TRMT9B: variants seen among roughly 807,000 people sequenced by gnomAD.
TRMT9B encodes the protein probable tRNA methyltransferase 9B.
TRMT9B carries 16 observed loss-of-function variants against 11.5 expected under a neutral mutation model. That is an observed-to-expected ratio of 1.39 (90% CI 0.94 to 2.11). The LOEUF is 2.11. Among genes scored for constraint, TRMT9B ranks in the 30% most tolerant of loss-of-function variants. The probability of loss-of-function intolerance (pLI) is 0.00; values close to 1 mark genes in which losing one functional copy is unlikely to be tolerated. For synonymous variants in TRMT9B, 274 were observed against 192.4 expected (o/e 1.42, Z -3.51); for missense variants, 941 against 553.8 (o/e 1.70, Z -7.02).
chr8:12,959,426 C>T (rs555459163), intron 1 of TRMT9B, among the ~76,000 whole-genome samples: 1 of 151,270 alleles, frequency 6.6e-6, no homozygotes, highest in East Asian at 1.9e-4. Flanking sequence ...TCTTTATGTC[C>T]ATGCAAATAT....
chr8:13,000,686 A>C (rs1330958183), intron 2 of TRMT9B, among the ~76,000 whole-genome samples: 1 of 152,234 alleles, frequency 6.6e-6, no homozygotes, highest in Non-Finnish European at 1.5e-5. Flanking sequence ...AAGCTTTACA[A>C]GTTGCTTGAA....
intron 1 of TRMT9B, among the ~76,000 whole-genome samples, chr8:12,960,967 C>T (rs940476524): frequency 1.3e-5 from 2 of 152,060 alleles, no homozygotes; most frequent in Non-Finnish European, 2.9e-5. Context: ...GTAGTGAAAC[C>T]TTGTCTCTAC....
intron 3 of TRMT9B, chr8:13,011,548 A>G (rs1004173066): frequency 7.4e-6 from 7 of 945,292 alleles, no homozygotes; most frequent in African/African-American, 5.3e-5. Flanking sequence ...AAGTAATTAG[A>G]TTATATATCT....
chr8:13,000,938 C>G lies in TRMT9B; in HGVS notation c.-1-5264C>G, dbSNP rs191312410. Among the ~76,000 whole-genome samples the G allele has an allele frequency of 2.9e-3, 446 of 152,214 alleles. 2 individuals carry two copies. The highest frequency in any genetic ancestry group is 6.8e-3 in the Middle Eastern group (2 of 294). Reference sequence around the variant, plus strand: ...AGTACCTCAGGACGCAAGGCTGGTACTGTAAAATGAACAGGTTTCTTGGAG... The same window carrying G: ...AGTACCTCAGGACGCAAGGCTGGTAGTGTAAAATGAACAGGTTTCTTGGAG... On this transcript the variant is annotated intron_variant, in intron 2 of 4. Coordinates refer to ENST00000524591, the MANE Select transcript of TRMT9B (RefSeq NM_020844.3).
chr8:13,006,369 C>A lies in TRMT9B; in HGVS notation c.154+13C>A, dbSNP rs755323723. ...ATCGCTGACATAGGTAACCAGGCAG[C>A]CTCATCGCTGACATAGGTAACCAGG... On this transcript the variant is annotated intron_variant, in intron 3 of 4. Coordinates refer to ENST00000524591, the MANE Select transcript of TRMT9B (RefSeq NM_020844.3). 3 of 1,600,954 alleles carry A rather than the reference C, an allele frequency of 1.9e-6. No individual in the cohort carries two copies. The highest frequency in any genetic ancestry group is 1.7e-5 in the Admixed American group (1 of 58,578).
intron 1 of TRMT9B, among the ~76,000 whole-genome samples, chr8:12,959,492 C>T (rs2977080): frequency 0.36 from 51,832 of 142,510 alleles, 10,141 homozygotes; most frequent in East Asian, 0.67. Flanking sequence ...CTCCTCTCCT[C>T]TCCTCTCCTT....
At chr8:12,953,687 A>G (rs1330611437) in intron 1 of TRMT9B, among the ~76,000 whole-genome samples, 1 of 152,158 alleles carries the variant, frequency 6.6e-6, no homozygotes, top group Non-Finnish European at 1.5e-5. Context: ...TCTGTCTTTG[A>G]TGGCTGGCTG....
chr8:12,983,276 C>G (rs1805713428), intron 1 of TRMT9B, among the ~76,000 whole-genome samples: 1 of 151,854 alleles, frequency 6.6e-6, no homozygotes, highest in Admixed American at 6.6e-5. Flanking sequence ...GCAGCCATAA[C>G]ACAAGAAATC....
intron 4 of TRMT9B, among the ~76,000 whole-genome samples, chr8:13,018,910 C>T (rs893994499): frequency 1.3e-5 from 2 of 152,144 alleles, no homozygotes; most frequent in African/African-American, 2.4e-5. Flanking sequence ...ACAAGAAGCA[C>T]AAACATGCAG....
At chr8:12,986,840 G>C (rs888568551) in intron 1 of TRMT9B, among the ~76,000 whole-genome samples, 1 of 152,086 alleles carries the variant, frequency 6.6e-6, no homozygotes, top group African/African-American at 2.4e-5. Context: ...TCCTTTCTAA[G>C]CATTATTAAT....
chr8:12,971,246 AT>A (rs1023355275), intron 1 of TRMT9B, among the ~76,000 whole-genome samples: 2 of 151,168 alleles, frequency 1.3e-5, no homozygotes, highest in African/African-American at 4.9e-5. Context: ...CCTTTTTTCA[AT>A]TTTTTTCTTT....
At chr8:12,951,997 G>A (rs1035384554) in intron 1 of TRMT9B, 1 of 162,672 alleles carries the variant, frequency 6.1e-6, no homozygotes, top group Non-Finnish European at 1.3e-5. Flanking sequence ...GCACCCTGCC[G>A]CCCGCACCCC....
chr8:12,983,908 C>T (rs1320574736), intron 1 of TRMT9B, among the ~76,000 whole-genome samples: 1 of 152,122 alleles, frequency 6.6e-6, no homozygotes, highest in Non-Finnish European at 1.5e-5. Context: ...CTACCCTGAA[C>T]ACTTTTTTTA....
intron 1 of TRMT9B, among the ~76,000 whole-genome samples, chr8:12,957,924 T>C (rs1229510208): frequency 6.6e-6 from 1 of 152,186 alleles, no homozygotes; most frequent in Non-Finnish European, 1.5e-5. Context: ...TGAAACTCCA[T>C]ACCCATTAAA....
intron 1 of TRMT9B, among the ~76,000 whole-genome samples, chr8:12,954,566 C>T (rs982227602): frequency 1.3e-5 from 2 of 152,176 alleles, no homozygotes; most frequent in South Asian, 2.1e-4. Context: ...AGGCTGTCAG[C>T]GCTTGTCTGT....
At chr8:12,950,139 C>T (rs1170543736) in intron 1 of TRMT9B, among the ~76,000 whole-genome samples, 2 of 152,214 alleles carry the variant, frequency 1.3e-5, no homozygotes, top group Non-Finnish European at 1.5e-5. Context: ...CAGGCATGAG[C>T]CACCTCACCT....
chr8:12,984,971 ACACACACACACACACACTCT>A, intron 1 of TRMT9B, among the ~76,000 whole-genome samples: 3 of 143,882 alleles, frequency 2.1e-5, no homozygotes, highest in Admixed American at 6.8e-5. Context: ...ACACACACAC[ACACACACACACACACACTCT>A]CTCTCTCACA....
In TRMT9B at chr8:13,021,283, T is replaced by A. The variant is rs201259020; in HGVS notation, c.604T>A (p.Cys202Ser). 6.2e-7 allele frequency: 1 copy of A among 1,613,994 alleles called. No individual in the cohort carries two copies. The highest frequency in any genetic ancestry group is 1.1e-5 in the South Asian group (1 of 91,086). Residue 202 changes from cysteine to serine, a missense_variant, in exon 5 of 5, where the codon TGT becomes AGT. Physicochemically the swap from Cys to Ser is moderately radical, Grantham distance 112. Transcript: ENST00000524591. ...PPCSECSCSV[C>S]FKEQCGSKRS... Reference sequence around the variant, plus strand: ...TTGCTCTGAGTGTAGCTGTTCTGTTTGTTTTAAAGAGCAGTGTGGTTCAAA... The same window carrying A: ...TTGCTCTGAGTGTAGCTGTTCTGTTAGTTTTAAAGAGCAGTGTGGTTCAAA...
chr8:12,961,700 CA>C lies in TRMT9B; in HGVS notation c.-200+15752del, dbSNP rs756821000. ...TGGGTGACAGAGCGAGACTCCATCTCAAAAAAAAAAAAAAAAAAGAAAGAAG... is the reference window on the plus strand; with the variant it reads ...TGGGTGACAGAGCGAGACTCCATCTCAAAAAAAAAAAAAAAAAGAAAGAAG... On this transcript the variant is annotated intron_variant, in intron 1 of 4. Transcript: ENST00000524591. 211 of 51,526 alleles carry C rather than the reference CA, an allele frequency of 4.1e-3. 1 individual carries two copies. The East Asian group carries it at 0.041, about 10-fold the overall frequency. 3.2% of individuals were successfully genotyped at this position (51,526 alleles called of 1,614,324 possible). A position where few individuals can be genotyped will look rare whatever the true frequency, so the allele number is the denominator to read the frequency against.
Sources: allele counts gnomAD v4.1 joint callset (sites outside exome capture counted in the v4.1 genomes callset), GRCh38; gene constraint gnomAD v4.1.1; transcripts MANE v1.5; gene names NCBI Gene and HGNC (gene_info 2026-07-23, HGNC 2026-07-21).